The following SPATA13 variants were observed in gnomAD, a reference collection of about 807,000 sequenced individuals.
SPATA13 encodes spermatogenesis-associated protein 13.
SPATA13 carries 50 observed loss-of-function variants against 104.0 expected under a neutral mutation model. The observed-to-expected ratio is 0.48, with a 90% CI of 0.38 to 0.61. SPATA13 has a LOEUF of 0.61. SPATA13 is among the 20% of genes least tolerant of loss of function. The probability of loss-of-function intolerance (pLI) is 0.00; values close to 1 mark genes in which losing one functional copy is unlikely to be tolerated. For missense variants in SPATA13, 1,524 were observed against 1,690.6 expected (o/e 0.90, Z 1.73); for synonymous variants, 606 against 667.5 (o/e 0.91, Z 1.42).
chr13:24,135,001 C>T (rs568505193), intron 3 of SPATA13, among the ~76,000 whole-genome samples: 83 of 152,266 alleles, frequency 5.5e-4, no homozygotes, highest in African/African-American at 1.8e-3. Flanking sequence ...AAGATGATGT[C>T]ATGAGATGCA....
At chr13:23,987,447 T>C (rs1875204884) in intron 2 of SPATA13, among the ~76,000 whole-genome samples, 1 of 152,224 alleles carries the variant, frequency 6.6e-6, no homozygotes, top group Non-Finnish European at 1.5e-5. Context: ...AGGTTAAATA[T>C]TATGTTCATT....
chr13:24,057,226 C>T (rs1250181851), intron 3 of SPATA13, among the ~76,000 whole-genome samples: 1 of 144,006 alleles, frequency 6.9e-6, no homozygotes, highest in African/African-American at 2.5e-5. Context: ...AGCTATCCCT[C>T]CCCCCTCCCC....
At position 24,224,340 on chromosome 13, in the gene SPATA13, C is replaced by T. The variant is rs1004604703; in HGVS notation, c.1411C>T (p.Pro471Ser). Residue 471 changes from proline to serine, a missense_variant, in exon 2 of 13, where the codon CCC becomes TCC. Pro to Ser is a moderately conservative substitution (Grantham distance 74). Around this residue, in one of 2 missense-constraint regions of SPATA13, gnomAD observed 1,089 missense variants for 1,135.9 expected, o/e 0.96. Transcript: ENST00000382108. ...CCCTCTAAGGCCCACCACACCCAAG[C>T]CCCAGAGCCCTCAGAGCCCCCAGAG... is the stretch of plus-strand genomic sequence containing the variant. Reference protein sequence around the residue: ...PTPLRPTTPKPQSPQSPQSPG... With the variant: ...PTPLRPTTPKSQSPQSPQSPG... 1.9e-6 allele frequency: 3 copies of T among 1,551,604 alleles called. No homozygotes were observed. The African/African-American group carries it at 4.1e-5, about 21-fold the overall frequency.
At chr13:24,235,682 A>T (rs991600875) in intron 2 of SPATA13, among the ~76,000 whole-genome samples, 1 of 152,180 alleles carries the variant, frequency 6.6e-6, no homozygotes, top group Admixed American at 6.5e-5. Flanking sequence ...GCTGGAGCCT[A>T]GGAGATCGAG....
At position 24,305,058 on chromosome 13, in the gene SPATA13, A is replaced by C. The variant is rs1372669707; in HGVS notation, c.*2285A>C. Reference sequence around the variant, plus strand: ...CAAATTGTTTTAAATGTAATATAAGAGAATTAGTTTAAGGAAGTAAAGAGA... The same window carrying C: ...CAAATTGTTTTAAATGTAATATAAGCGAATTAGTTTAAGGAAGTAAAGAGA... On this transcript the variant is annotated 3_prime_UTR_variant, in exon 13 of 13. Coordinates refer to ENST00000382108, the MANE Select transcript of SPATA13 (RefSeq NM_001166271.3). 1 of 152,232 alleles carries C rather than the reference A, an allele frequency of 6.6e-6. No individual in the cohort carries two copies. The highest frequency in any genetic ancestry group is 1.5e-5 in the Non-Finnish European group (1 of 68,044). 9.4% of individuals were successfully genotyped at this position (152,232 alleles called of 1,614,324 possible).
At chr13:24,300,839 T>C (rs1877133714) in intron 12 of SPATA13, among the ~76,000 whole-genome samples, 3 of 152,150 alleles carry the variant, frequency 2.0e-5, no homozygotes, top group Admixed American at 1.3e-4. Context: ...TTGCATCTTT[T>C]AGGCATGAGA....
chr13:24,181,483 CT>C (rs199983720), intron 1 of SPATA13, among the ~76,000 whole-genome samples: 1,968 of 152,080 alleles, frequency 0.013, 28 homozygotes, highest in Middle Eastern at 0.041. Context: ...ATTCCATAAT[CT>C]TTTTTTTATT....
intron 3 of SPATA13, among the ~76,000 whole-genome samples, chr13:24,251,062 G>A (rs1211076740): frequency 6.6e-6 from 1 of 152,238 alleles, no homozygotes; most frequent in East Asian, 1.9e-4. Context: ...AAGCAACTGG[G>A]CCTTTGATTA....
At chr13:24,254,818 C>CTT (rs5802273) in intron 4 of SPATA13, among the ~76,000 whole-genome samples, 33 of 148,268 alleles carry the variant, frequency 2.2e-4, no homozygotes, top group Admixed American at 4.7e-4. Context: ...TTGCTTGCTT[C>CTT]TTTTTTTTTT....
chr13:24,028,096 A>G (rs1877316701), intron 3 of SPATA13, among the ~76,000 whole-genome samples: 1 of 152,160 alleles, frequency 6.6e-6, no homozygotes, highest in Non-Finnish European at 1.5e-5. Flanking sequence ...CTTCTCTAAC[A>G]TGGAGTCAGG....
intron 3 of SPATA13, among the ~76,000 whole-genome samples, chr13:24,075,646 T>G (rs917904576): frequency 3.9e-5 from 6 of 152,236 alleles, no homozygotes; most frequent in Non-Finnish European, 8.8e-5. Flanking sequence ...TTATCCCGCT[T>G]TTTAAAAGTT....
chr13:24,211,022 TC>T (rs1870983473), intron 1 of SPATA13, among the ~76,000 whole-genome samples: 3 of 152,214 alleles, frequency 2.0e-5, no homozygotes, highest in African/African-American at 7.2e-5. Flanking sequence ...TTGATTGTTT[TC>T]TTGATTTCTT....
At chr13:23,990,728 C>G (rs942879) in intron 2 of SPATA13, among the ~76,000 whole-genome samples, 79,809 of 152,024 alleles carry the variant, frequency 0.52, 21,850 homozygotes, top group Non-Finnish European at 0.61. Context: ...AGGATCACAT[C>G]TACCTTGTTT....
chr13:24,139,248 C>A (rs1408641023), intron 3 of SPATA13, among the ~76,000 whole-genome samples: 1 of 152,162 alleles, frequency 6.6e-6, no homozygotes, highest in East Asian at 1.9e-4. Context: ...GGACACCAGT[C>A]AGTTTCGGGT....
chr13:24,171,347 A>G (rs762011449), intron 1 of SPATA13, among the ~76,000 whole-genome samples: 6 of 152,182 alleles, frequency 3.9e-5, no homozygotes, highest in Admixed American at 6.5e-5. Context: ...GTCAGATCTG[A>G]CAACACCTGC....
At chr13:23,999,057 C>G (rs1243504237) in intron 2 of SPATA13, among the ~76,000 whole-genome samples, 34 of 151,956 alleles carry the variant, frequency 2.2e-4, no homozygotes, top group Admixed American at 2.2e-3. Context: ...TCCCAAGTAG[C>G]TGGGATTACA....
chr13:24,029,211 A>G (rs1300713933), intron 3 of SPATA13, among the ~76,000 whole-genome samples: 2 of 152,220 alleles, frequency 1.3e-5, no homozygotes, highest in Admixed American at 1.3e-4. Flanking sequence ...GGCATGTGCC[A>G]ACACAGCCGG....
chr13:24,123,955 C>G (rs553643102), intron 3 of SPATA13: 1 of 521,326 alleles, frequency 1.9e-6, no homozygotes, highest in Non-Finnish European at 3.4e-6. Flanking sequence ...CCTGGGCAGA[C>G]TCTGGCCATG....
At chr13:24,083,186 C>T (rs189301762) in intron 3 of SPATA13, among the ~76,000 whole-genome samples, 6 of 152,268 alleles carry the variant, frequency 3.9e-5, no homozygotes, top group South Asian at 4.1e-4. Context: ...ACTTGGGAGC[C>T]GAGTAAGTTC....
Sources: allele counts gnomAD v4.1 joint callset (sites outside exome capture counted in the v4.1 genomes callset), GRCh38; gene constraint gnomAD v4.1.1; regional missense constraint gnomAD v4.1.1; transcripts MANE v1.5; gene names NCBI Gene and HGNC (gene_info 2026-07-23, HGNC 2026-07-21).